The following PIEZO2 variants were observed in gnomAD, a reference collection of about 807,000 sequenced individuals.
The protein encoded by PIEZO2 is piezo type mechanosensitive ion channel component 2, also known as piezo-type mechanosensitive ion channel component 2.
PIEZO2 carries 172 observed loss-of-function variants against 337.3 expected under a neutral mutation model. The ratio of observed to expected loss-of-function variants is 0.51; its 90% CI spans 0.45 to 0.58. The LOEUF (loss-of-function observed/expected upper bound fraction) is 0.58. Ranked by LOEUF, PIEZO2 falls within the 20% of genes least tolerant of loss-of-function variation. The probability of loss-of-function intolerance (pLI) is 0.00; values close to 1 mark genes in which losing one functional copy is unlikely to be tolerated. For synonymous variants in PIEZO2, 1,251 were observed against 1,228.5 expected, an observed-to-expected ratio of 1.02 and a Z score of -0.38; for missense variants, 3,028 against 3,391.3, an observed-to-expected ratio of 0.89 and a Z score of 2.66.
chr18:11,097,541 T>C lies in PIEZO2; in HGVS notation c.65-31319A>G, dbSNP rs1001837929. On this transcript the variant is annotated intron_variant, in intron 1 of 55. Coordinates refer to ENST00000674853, the MANE Select transcript of PIEZO2 (RefSeq NM_001378183.1). The surrounding 1 kb of genome is among the most constrained non-coding windows in gnomAD (Gnocchi z 5.0). ...AAACACAGGGCCTGGCCATAACTGCTTCACAGTTTGAAGACAGCAAAAGCT... is the reference window on the plus strand; with the variant it reads ...AAACACAGGGCCTGGCCATAACTGCCTCACAGTTTGAAGACAGCAAAAGCT... 6.6e-6 allele frequency among the ~76,000 whole-genome samples: 1 copy of C among 152,326 alleles called. No individual in the cohort carries two copies. Among genetic ancestry groups the C allele is most frequent in the South Asian group, 2.1e-4 (1 of 4,832 alleles).
chr18:10,803,406 T>C lies in PIEZO2; in HGVS notation c.1200+469A>G, dbSNP rs112853392. ...TACTCAAATGCTTAAATTTTATCAC[T>C]GGTAACAATTATTGTCCGTTGTTTG... is the stretch of plus-strand genomic sequence containing the variant. On this transcript the variant is annotated intron_variant, in intron 9 of 55. Transcript: ENST00000674853. 3.8e-4 allele frequency among the ~76,000 whole-genome samples: 58 copies of C among 152,356 alleles called. 3 individuals carry two copies. The highest frequency in any genetic ancestry group is 1.4e-3 in the African/African-American group (57 of 41,586).
intron 38 of PIEZO2, 35 bp downstream of exon 38, chr18:10,715,615 G>A (rs1598391992): frequency 6.8e-7 from 1 of 1,478,010 alleles, no homozygotes; most frequent in African/African-American, 1.4e-5. Context: ...TCTTAATGTG[G>A]GAAGGAGCAA....
Position 10,759,607 on chromosome 18 carries a change from A to G in PIEZO2, c.3656-24T>C, listed in dbSNP as rs931705856. Reference sequence around the variant, plus strand: ...ATCTGCAGGGAGGGAAGTGGCGAACAGCACAATCAATACTCTTCTTCACCA... The same window carrying G: ...ATCTGCAGGGAGGGAAGTGGCGAACGGCACAATCAATACTCTTCTTCACCA... On this transcript the variant is annotated intron_variant, in intron 25 of 55. Transcript: ENST00000674853. This position sits in a 1 kb window ranked among gnomAD's most constrained non-coding sequence, Gnocchi z 5.5. The G allele has an allele frequency of 3.9e-6, 6 of 1,535,708 alleles. No individual in the cohort carries two copies. The African/African-American group carries it at 8.2e-5, about 21-fold the overall frequency.
In PIEZO2 at chr18:11,047,609, A is replaced by C. The variant is rs111639349; in HGVS notation, c.160+18518T>G. On this transcript the variant is annotated intron_variant, in intron 2 of 55. Coordinates refer to ENST00000674853, the MANE Select transcript of PIEZO2 (RefSeq NM_001378183.1). This position sits in a 1 kb window ranked among gnomAD's most constrained non-coding sequence, Gnocchi z 7.2. ...AACAGACACAGCCATGAGCTTTCAG[A>C]CACCAACACTCCAGGCAATAGGGAG... Among the ~76,000 whole-genome samples, 1,731 of 152,280 alleles carry C rather than the reference A, an allele frequency of 0.011. 40 individuals are homozygous for C. The highest frequency in any genetic ancestry group is 0.04 in the African/African-American group (1,643 of 41,562).
intron 20 of PIEZO2, among the ~76,000 whole-genome samples, chr18:10,772,810 T>C (rs116177449): frequency 0.01 from 1,531 of 152,310 alleles, 13 homozygotes; most frequent in African/African-American, 0.034. Context: ...TAAAACATTA[T>C]TTCAAGTCTA....
At chr18:10,718,150 G>C in intron 37 of PIEZO2, 50 bp downstream of exon 37, 3 of 1,429,082 alleles carry the variant, frequency 2.1e-6, no homozygotes, top group Non-Finnish European at 2.9e-6. Flanking sequence ...GATCTGGGCA[G>C]GTATCATTTT....
In PIEZO2 at chr18:10,782,464, T is replaced by C. The variant is rs1400409429; in HGVS notation, c.2493-2098A>G. ...AATATATTATATAGTATATATATTATATTAAATAATATATATTATATTAAA... is the reference window on the plus strand; with the variant it reads ...AATATATTATATAGTATATATATTACATTAAATAATATATATTATATTAAA... On this transcript the variant is annotated intron_variant, in intron 17 of 55. Transcript: ENST00000674853. Among the ~76,000 whole-genome samples the C allele has an allele frequency of 6.8e-5, 2 of 29,326 alleles. 1 individual carries two copies. Among genetic ancestry groups the C allele is most frequent in the Non-Finnish European group, 1.4e-4 (2 of 14,480 alleles). The allele number at this position is 29,326 out of a possible 152,430, so 19.2% of individuals were successfully genotyped here. A position where few individuals can be genotyped will look rare whatever the true frequency, so the allele number is the denominator to read the frequency against.
chr18:10,986,941 T>C (rs1041588194), intron 2 of PIEZO2, among the ~76,000 whole-genome samples: 1 of 151,660 alleles, frequency 6.6e-6, no homozygotes, highest in African/African-American at 2.4e-5. Context: ...CAGAAAAAAA[T>C]AAACAAAACG....
chr18:10,791,618 G>A (rs2144178472), intron 13 of PIEZO2: 1 of 222,134 alleles, frequency 4.5e-6, no homozygotes, highest in East Asian at 1.3e-4. Flanking sequence ...AGCTGCAACA[G>A]GTGGTCTTCC....
chr18:10,709,136 T>C (rs1194687500), intron 39 of PIEZO2: 1 of 152,220 alleles, frequency 6.6e-6, no homozygotes, highest in African/African-American at 2.4e-5. Context: ...AGTCATTTTG[T>C]CTGTTAACTT....
intron 10 of PIEZO2, 98 bp from the exon 11 acceptor site, chr18:10,800,573 T>TTAGGGTG: frequency 7.4e-7 from 1 of 1,346,854 alleles, no homozygotes; most frequent in Non-Finnish European, 9.7e-7. Flanking sequence ...AACTGAACAG[T>TTAGGGTG]GAGGAGTTGA....
At chr18:11,081,981 A>G (rs149088465) in intron 1 of PIEZO2, among the ~76,000 whole-genome samples, 4,601 of 152,168 alleles carry the variant, frequency 0.03, 78 homozygotes, top group South Asian at 0.05. Flanking sequence ...GCTGATCTCG[A>G]GCTCCTGACC....
chr18:11,082,540 A>G (rs1280854994), intron 1 of PIEZO2, among the ~76,000 whole-genome samples: 1 of 151,984 alleles, frequency 6.6e-6, no homozygotes, highest in East Asian at 1.9e-4. Context: ...GATGGTCTCG[A>G]TCTCCTGACC....
chr18:10,900,263 A>G (rs1383721381), intron 4 of PIEZO2, among the ~76,000 whole-genome samples: 1 of 152,000 alleles, frequency 6.6e-6, no homozygotes, highest in Non-Finnish European at 1.5e-5. Context: ...CTGGCTTTTA[A>G]TCTGTGTTTC....
intron 42 of PIEZO2, 122 bp from the exon 43 acceptor site, chr18:10,702,293 G>T: frequency 1.1e-6 from 1 of 905,232 alleles, no homozygotes. Flanking sequence ...TTGATGGTAG[G>T]CAGGCACATA....
At chr18:10,905,959 T>C (rs2043165611) in intron 4 of PIEZO2, among the ~76,000 whole-genome samples, 2 of 151,922 alleles carry the variant, frequency 1.3e-5, no homozygotes, top group African/African-American at 4.8e-5. Context: ...CTCCTGGGAG[T>C]GGGCCATCAG....
At chr18:11,019,258 G>A (rs1374104639) in intron 2 of PIEZO2, among the ~76,000 whole-genome samples, 3 of 152,200 alleles carry the variant, frequency 2.0e-5, no homozygotes, top group Non-Finnish European at 4.4e-5. Flanking sequence ...ATCTTTTAAA[G>A]ACATATGTCT....
chr18:11,029,840 T>C (rs1324935508), intron 2 of PIEZO2, among the ~76,000 whole-genome samples: 1 of 152,206 alleles, frequency 6.6e-6, no homozygotes. Context: ...ACTTGTTCCC[T>C]ATACAGCCCC....
chr18:10,995,338 A>T (rs569991563), intron 2 of PIEZO2, among the ~76,000 whole-genome samples: 14 of 152,114 alleles, frequency 9.2e-5, no homozygotes, highest in Admixed American at 5.9e-4. Context: ...TTTCTTGCTA[A>T]TTTCTTTGAG....
Sources: gnomAD v4.1 joint callset for allele counts (sites outside exome capture counted in the v4.1 genomes callset) on GRCh38, gnomAD v4.1.1 for gene constraint, Gnocchi (gnomAD v3.1) non-coding constraint, MANE v1.5 for transcripts, NCBI Gene and HGNC (gene_info 2026-07-23, HGNC 2026-07-21) for gene names.